The following SPIDR variants were observed in gnomAD, a reference collection of about 807,000 sequenced individuals.
SPIDR encodes scaffold protein involved in DNA repair, also known as DNA repair-scaffolding protein.
SPIDR carries 93 observed loss-of-function variants against 104.6 expected under a neutral mutation model. That is an observed-to-expected ratio of 0.89 (90% CI 0.75 to 1.06). SPIDR has a LOEUF of 1.06. SPIDR is among the 50% of genes least tolerant of loss of function. The probability of loss-of-function intolerance (pLI) is 0.00; values close to 1 mark genes in which losing one functional copy is unlikely to be tolerated. For synonymous variants in SPIDR, 431 were observed against 416.9 expected (o/e 1.03, Z -0.41); for missense variants, 1,154 against 1,111.2 (o/e 1.04, Z -0.55).
intron 10 of SPIDR, among the ~76,000 whole-genome samples, chr8:47,661,528 A>G (rs1269741032): frequency 6.6e-6 from 1 of 152,228 alleles, no homozygotes; most frequent in Non-Finnish European, 1.5e-5. Flanking sequence ...GCTCCGTTTT[A>G]TGAACATTAA....
intron 8 of SPIDR, among the ~76,000 whole-genome samples, chr8:47,488,178 C>T (rs1007809049): frequency 6.6e-5 from 10 of 152,206 alleles, no homozygotes; most frequent in East Asian, 3.9e-4. Flanking sequence ...ATATCACCAC[C>T]GGTCCCACAG....
At chr8:47,570,194 A>G (rs1011386838) in intron 8 of SPIDR, among the ~76,000 whole-genome samples, 5 of 152,206 alleles carry the variant, frequency 3.3e-5, no homozygotes, top group African/African-American at 1.2e-4. Context: ...AAGCTACAGT[A>G]TTCAAGACAG....
chr8:47,635,956 A>G lies in SPIDR; in HGVS notation c.1544+36760A>G, dbSNP rs554752154. 2.4e-4 allele frequency among the ~76,000 whole-genome samples: 37 copies of G among 152,368 alleles called. No individual in the cohort carries two copies. The South Asian group carries it at 7.0e-3, about 29-fold the overall frequency. On this transcript the variant is annotated intron_variant, in intron 10 of 19. Coordinates refer to ENST00000297423, the MANE Select transcript of SPIDR (RefSeq NM_001080394.4). The stretch of plus-strand genomic sequence containing the variant: ...AGAACTTTAGTCAGAAAAGCTTTGC[A>G]GTAATTTGTGAATGCTATACAGGCA...
intron 7 of SPIDR, among the ~76,000 whole-genome samples, chr8:47,418,776 G>A (rs1554677352): frequency 6.6e-6 from 1 of 152,044 alleles, no homozygotes; most frequent in Non-Finnish European, 1.5e-5. Context: ...AGGTCTTACT[G>A]TTTTGAGATA....
intron 5 of SPIDR, among the ~76,000 whole-genome samples, chr8:47,344,809 G>C (rs1410980453): frequency 3.0e-4 from 46 of 152,226 alleles, no homozygotes; most frequent in African/African-American, 1.1e-3. Flanking sequence ...ACTTTTTGAT[G>C]GGGCTGTTTG....
chr8:47,343,714 G>A (rs116173022), intron 5 of SPIDR, among the ~76,000 whole-genome samples: 5,246 of 152,124 alleles, frequency 0.034, 345 homozygotes, highest in Admixed American at 0.15. Context: ...ATCCTGTTTC[G>A]GGCAGGGATT....
chr8:47,356,747 G>A (rs552274954), intron 5 of SPIDR, among the ~76,000 whole-genome samples: 2 of 152,218 alleles, frequency 1.3e-5, no homozygotes, highest in Admixed American at 6.5e-5. Flanking sequence ...GGGATAGGGG[G>A]TGGTTTGCAT....
chr8:47,663,814 A>T lies in SPIDR; in HGVS notation c.1545-9987A>T, dbSNP rs374797026. Among the ~76,000 whole-genome samples, 30 of 152,310 alleles carry T rather than the reference A, an allele frequency of 2.0e-4. 1 individual carries two copies. Among genetic ancestry groups the T allele is most frequent in the Middle Eastern group, 3.4e-3 (1 of 294 alleles). On this transcript the variant is annotated intron_variant, in intron 10 of 19. Coordinates refer to ENST00000297423, the MANE Select transcript of SPIDR (RefSeq NM_001080394.4). ...ATCATCTAGAGAATCTTTATTTCCA[A>T]TGGAAATAAATCAAAGAAACAGAAG...
rs1031278675 is a variant in SPIDR, at chr8:47,673,712, G to C, written c.1545-89G>C. On this transcript the variant is annotated intron_variant, in intron 10 of 19. Transcript: ENST00000297423. ...TATTGACCAGTCACAGCAGTATATA[G>C]TGGCTTTATAATGAAGAAGAGGGAA... is the stretch of plus-strand genomic sequence containing the variant. The C allele has an allele frequency of 3.9e-6, 6 of 1,553,160 alleles. No homozygotes were observed. In the Admixed American group the frequency reaches 6.7e-5, roughly 17 times the overall value.
At chr8:47,283,288 G>C (rs2038174857) in intron 2 of SPIDR, among the ~76,000 whole-genome samples, 1 of 152,170 alleles carries the variant, frequency 6.6e-6, no homozygotes, top group African/African-American at 2.4e-5. Flanking sequence ...GGCCTAAGGA[G>C]AAGGCAAGAG....
chr8:47,601,564 C>T (rs1285417549), intron 10 of SPIDR, among the ~76,000 whole-genome samples: 3 of 152,112 alleles, frequency 2.0e-5, no homozygotes, highest in Non-Finnish European at 2.9e-5. Flanking sequence ...CATGGTGGTG[C>T]GTGCCTGCAG....
At chr8:47,598,664 A>C (rs760095331) in intron 9 of SPIDR, among the ~76,000 whole-genome samples, 3 of 152,188 alleles carry the variant, frequency 2.0e-5, no homozygotes, top group Non-Finnish European at 4.4e-5. Context: ...TATTAGCAGA[A>C]CTTCCTGTGT....
intron 7 of SPIDR, among the ~76,000 whole-genome samples, chr8:47,427,521 G>A (rs1024413986): frequency 6.6e-6 from 1 of 152,170 alleles, no homozygotes; most frequent in African/African-American, 2.4e-5. Context: ...AGAATGAGGA[G>A]TGTAGTGATC....
At chr8:47,489,580 C>T (rs2154365913) in intron 8 of SPIDR, among the ~76,000 whole-genome samples, 1 of 152,312 alleles carries the variant, frequency 6.6e-6, no homozygotes, top group Admixed American at 6.5e-5. Context: ...CTGGAAGCAT[C>T]ACACTATTTG....
intron 8 of SPIDR, among the ~76,000 whole-genome samples, chr8:47,498,762 A>G (rs1431814148): frequency 6.6e-6 from 1 of 152,192 alleles, no homozygotes; most frequent in Non-Finnish European, 1.5e-5. Context: ...TCCATAGTGT[A>G]TGATATACTC....
intron 5 of SPIDR, among the ~76,000 whole-genome samples, chr8:47,375,271 G>A (rs373540504): frequency 2.9e-5 from 3 of 103,042 alleles, no homozygotes; most frequent in East Asian, 6.6e-4. Flanking sequence ...AGCCAGAGTC[G>A]CACTCTGTTG....
intron 7 of SPIDR, among the ~76,000 whole-genome samples, chr8:47,410,532 T>C (rs1433482276): frequency 6.6e-6 from 1 of 152,120 alleles, no homozygotes; most frequent in Non-Finnish European, 1.5e-5. Context: ...TACTTACGAC[T>C]TTGTTTCTTG....
In SPIDR at chr8:47,735,109, T is replaced by G. The variant is rs893362907; in HGVS notation, c.2605-198T>G. 1.1e-3 allele frequency among the ~76,000 whole-genome samples: 127 copies of G among 119,122 alleles called. 1 individual carries two copies. Among genetic ancestry groups the G allele is most frequent in the Admixed American group, 4.0e-3 (48 of 12,050 alleles). 78.1% of individuals were successfully genotyped at this position (119,122 alleles called of 152,430 possible). A position where few individuals can be genotyped will look rare whatever the true frequency, so the allele number is the denominator to read the frequency against. On this transcript the variant is annotated intron_variant, in intron 19 of 19. Coordinates refer to ENST00000297423, the MANE Select transcript of SPIDR (RefSeq NM_001080394.4). ...ATGGGTGTGTGGGTGTGTGTGTGTGTGGGTGTGTGTGTGTGTGTGTGTGTG... is the reference window on the plus strand; with the variant it reads ...ATGGGTGTGTGGGTGTGTGTGTGTGGGGGTGTGTGTGTGTGTGTGTGTGTG...
At chr8:47,446,055 G>A (rs782747809) in intron 8 of SPIDR, among the ~76,000 whole-genome samples, 3 of 152,176 alleles carry the variant, frequency 2.0e-5, no homozygotes, top group Non-Finnish European at 4.4e-5. Flanking sequence ...AATGAAGGTG[G>A]CTACACTAAA....
Sources: gnomAD v4.1 joint callset for allele counts (sites outside exome capture counted in the v4.1 genomes callset) on GRCh38, gnomAD v4.1.1 for gene constraint, MANE v1.5 for transcripts, NCBI Gene and HGNC (gene_info 2026-07-23, HGNC 2026-07-21) for gene names.